EPHA3: variants seen among roughly 807,000 people sequenced by gnomAD.
EPHA3 encodes the protein EPH receptor A3, also known as ephrin type-A receptor 3.
EPHA3 carries 42 observed loss-of-function variants against 107.1 expected under a neutral mutation model. The observed-to-expected ratio is 0.39, with a 90% confidence interval of 0.31 to 0.51. The LOEUF (loss-of-function observed/expected upper bound fraction) is 0.51, where lower values mean the gene tolerates loss of function less well. Among genes scored for constraint, EPHA3 ranks in the 20% least tolerant of loss-of-function variants. The probability of loss-of-function intolerance (pLI) is 0.78; values close to 1 mark genes in which losing one functional copy is unlikely to be tolerated. For synonymous variants in EPHA3, 461 were observed against 424.8 expected, an observed-to-expected ratio of 1.09 and a Z score of -1.05; for missense variants, 1,183 against 1,211.2, an observed-to-expected ratio of 0.98 and a Z score of 0.35.
chr3:89,362,673 G>A (rs1020082722), intron 5 of EPHA3, among the ~76,000 whole-genome samples: 3 of 150,912 alleles, frequency 2.0e-5, no homozygotes, highest in Non-Finnish European at 4.4e-5. Flanking sequence ...TTTAACATGT[G>A]TGATTGGGTG....
intron 2 of EPHA3, among the ~76,000 whole-genome samples, chr3:89,181,701 T>C (rs1227119353): frequency 6.6e-6 from 1 of 151,912 alleles, no homozygotes; most frequent in Non-Finnish European, 1.5e-5. Flanking sequence ...GGGTATAGGG[T>C]ATTTTTGAAA....
chr3:89,455,555 T>C (rs1401488208), intron 15 of EPHA3, among the ~76,000 whole-genome samples: 1 of 152,160 alleles, frequency 6.6e-6, no homozygotes, highest in African/African-American at 2.4e-5. Context: ...AGAAGTAAGA[T>C]GATTTGATTT....
At chr3:89,381,290 C>A (rs984517123) in intron 5 of EPHA3, among the ~76,000 whole-genome samples, 4 of 151,892 alleles carry the variant, frequency 2.6e-5, no homozygotes, top group African/African-American at 9.7e-5. Context: ...GGTTTTAAAC[C>A]TGTGTATAAG....
intron 3 of EPHA3, among the ~76,000 whole-genome samples, chr3:89,275,320 T>C (rs1030078954): frequency 6.6e-6 from 1 of 151,990 alleles, no homozygotes; most frequent in Admixed American, 6.6e-5. Context: ...AAGAAAACTG[T>C]CGGCACCAGA....
chr3:89,450,979 T>A (rs187096900), intron 15 of EPHA3, among the ~76,000 whole-genome samples: 267 of 152,270 alleles, frequency 1.8e-3, no homozygotes, highest in Non-Finnish European at 3.0e-3. Flanking sequence ...TCATCTTTCA[T>A]TCAAAATAAA....
At chr3:89,314,064 C>T (rs1559643402) in intron 3 of EPHA3, among the ~76,000 whole-genome samples, 1 of 151,896 alleles carries the variant, frequency 6.6e-6, no homozygotes, top group Non-Finnish European at 1.5e-5. Context: ...CTAGGCATCT[C>T]AACATGCCCT....
intron 3 of EPHA3, among the ~76,000 whole-genome samples, chr3:89,312,986 T>A (rs1172988492): frequency 6.6e-6 from 1 of 152,050 alleles, no homozygotes; most frequent in African/African-American, 2.4e-5. Flanking sequence ...GGTCTGTAAT[T>A]AATGGGCATT....
intron 5 of EPHA3, among the ~76,000 whole-genome samples, chr3:89,384,331 C>T (rs898174022): frequency 6.6e-6 from 1 of 152,002 alleles, no homozygotes; most frequent in African/African-American, 2.4e-5. Flanking sequence ...TGTTCTTACC[C>T]AAGATTAACA....
chr3:89,260,578 G>T (rs533818203), intron 3 of EPHA3, among the ~76,000 whole-genome samples: 1 of 151,914 alleles, frequency 6.6e-6, no homozygotes, highest in East Asian at 1.9e-4. Context: ...ATAAATTTTG[G>T]ATATTAACCC....
intron 7 of EPHA3, among the ~76,000 whole-genome samples, chr3:89,401,925 A>G (rs1708972085): frequency 6.6e-6 from 1 of 152,174 alleles, no homozygotes; most frequent in Admixed American, 6.5e-5. Flanking sequence ...CAAAATCTAT[A>G]TTTGATTTAT....
chr3:89,210,225 T>C lies in EPHA3; in HGVS notation c.519T>C (p.Pro173=), dbSNP rs780618537. 1.2e-6 allele frequency: 2 copies of C among 1,614,086 alleles called. No homozygotes were observed. The highest frequency in any genetic ancestry group is 1.3e-5 in the African/African-American group (1 of 75,048). The change falls in exon 3 of 17, where the codon CCT becomes CCC. Residue 173 remains proline (P), a synonymous_variant. Transcript: ENST00000336596. ...KLNTEIREVG[P]VNKKGFYLAF... Reference sequence around the variant, plus strand: ...ACACTGAGATTAGAGAAGTAGGTCCTGTCAACAAGAAGGGATTTTATTTGG... The same window carrying C: ...ACACTGAGATTAGAGAAGTAGGTCCCGTCAACAAGAAGGGATTTTATTTGG...
At chr3:89,265,167 T>G (rs1705508199) in intron 3 of EPHA3, among the ~76,000 whole-genome samples, 1 of 152,152 alleles carries the variant, frequency 6.6e-6, no homozygotes, top group Non-Finnish European at 1.5e-5. Flanking sequence ...CATTTTCTAC[T>G]GTAAGTGCAT....
chr3:89,136,741 C>T (rs1704324279), intron 2 of EPHA3, among the ~76,000 whole-genome samples: 1 of 151,768 alleles, frequency 6.6e-6, no homozygotes, highest in Admixed American at 6.6e-5. Context: ...ATAATCCTTA[C>T]CTAACATATA....
Position 89,142,001 on chromosome 3 carries a change from G to A in EPHA3, c.153+14728G>A, listed in dbSNP as rs186984553. Among the ~76,000 whole-genome samples, 17 of 150,858 alleles carry A rather than the reference G, an allele frequency of 1.1e-4. No individual in the cohort carries two copies. In the East Asian group the frequency reaches 3.3e-3, roughly 29 times the overall value. On this transcript the variant is annotated intron_variant, in intron 2 of 16. Transcript: ENST00000336596. ...TAGAGTTTTAGCAGAGTCAATTATGGGTATTTTGGAGGTAGAGTATATATA... is the reference window on the plus strand; with the variant it reads ...TAGAGTTTTAGCAGAGTCAATTATGAGTATTTTGGAGGTAGAGTATATATA...
At chr3:89,439,714 C>G (rs1454473069) in intron 13 of EPHA3, among the ~76,000 whole-genome samples, 2 of 148,498 alleles carry the variant, frequency 1.3e-5, no homozygotes, top group African/African-American at 5.1e-5. Context: ...AAGCCAGACT[C>G]ATATTAAGGC....
chr3:89,169,546 A>G (rs1202609420), intron 2 of EPHA3, among the ~76,000 whole-genome samples: 2 of 152,234 alleles, frequency 1.3e-5, no homozygotes, highest in Admixed American at 1.3e-4. Flanking sequence ...TTATATATAA[A>G]CTATTATTTT....
At chr3:89,250,872 A>G (rs2107262765) in intron 3 of EPHA3, among the ~76,000 whole-genome samples, 1 of 152,294 alleles carries the variant, frequency 6.6e-6, no homozygotes, top group Non-Finnish European at 1.5e-5. Flanking sequence ...CCCTTAATGA[A>G]TGCTTGGTGA....
At chr3:89,456,943 G>A (rs527669223) in intron 15 of EPHA3, among the ~76,000 whole-genome samples, 1 of 152,108 alleles carries the variant, frequency 6.6e-6, no homozygotes, top group Non-Finnish European at 1.5e-5. Context: ...AACAGCTTAC[G>A]TTTAAATGTG....
intron 2 of EPHA3, among the ~76,000 whole-genome samples, chr3:89,140,605 T>A (rs1704411729): frequency 6.6e-6 from 1 of 151,832 alleles, no homozygotes. Flanking sequence ...TTTGCTTTAG[T>A]GATTATCTCT....
Sources: gnomAD v4.1 joint callset for allele counts (sites outside exome capture counted in the v4.1 genomes callset) on GRCh38, gnomAD v4.1.1 for gene constraint, MANE v1.5 for transcripts, NCBI Gene and HGNC (gene_info 2026-07-23, HGNC 2026-07-21) for gene names.